Variants in CAST observed in about 807,000 individuals in gnomAD.
CAST encodes the protein calpastatin, also known as MIR583 host.
CAST carries 76 observed loss-of-function variants against 119.6 expected under a neutral mutation model. The ratio of observed to expected loss-of-function variants is 0.64; its 90% CI spans 0.53 to 0.77. CAST has a LOEUF of 0.77. CAST is among the 30% of genes least tolerant of loss of function. CAST has a pLI of 0.00. For synonymous variants in CAST, 319 were observed against 331.6 expected, an observed-to-expected ratio of 0.96 and a Z score of 0.41; for missense variants, 953 against 946.5, an observed-to-expected ratio of 1.01 and a Z score of -0.09.
At chr5:96,743,134 G>T (rs1763034992) in intron 16 of CAST, among the ~76,000 whole-genome samples, 1 of 152,180 alleles carries the variant, frequency 6.6e-6, no homozygotes, top group African/African-American at 2.4e-5. Flanking sequence ...TATACACGGA[G>T]TGGGAAGATC....
chr5:96,183,119 T>C, the CAST span, among the ~76,000 whole-genome samples: 23 of 150,524 alleles, frequency 1.5e-4, no homozygotes, highest in Non-Finnish European at 2.5e-4. Context: ...CCAGCCTGGG[T>C]GACAGAACAA....
chr5:96,299,915 A>G, the CAST span, among the ~76,000 whole-genome samples: 2 of 152,172 alleles, frequency 1.3e-5, no homozygotes, highest in East Asian at 3.8e-4. Flanking sequence ...TTTAACAGTT[A>G]TTTAACAGTT....
the CAST span, among the ~76,000 whole-genome samples, chr5:96,015,837 G>A: frequency 2.5e-4 from 38 of 152,284 alleles, no homozygotes; most frequent in Admixed American, 7.2e-4. Context: ...GCCACGCACA[G>A]CTAGGAAGTG....
chr5:96,478,987 T>G, the CAST span, among the ~76,000 whole-genome samples: 1 of 152,110 alleles, frequency 6.6e-6, no homozygotes, highest in Non-Finnish European at 1.5e-5. Context: ...AGAAATAAAG[T>G]GCTAATTGGG....
At chr5:96,560,928 T>C (rs992921817) in intron 1 of CAST, among the ~76,000 whole-genome samples, 1 of 152,164 alleles carries the variant, frequency 6.6e-6, no homozygotes, top group Non-Finnish European at 1.5e-5. Context: ...CACTATTCAC[T>C]ACAGCAAAGA....
At chr5:95,962,871 A>G in the CAST span, among the ~76,000 whole-genome samples, 1 of 152,206 alleles carries the variant, frequency 6.6e-6, no homozygotes, top group Non-Finnish European at 1.5e-5. Flanking sequence ...TTTAAAGGTA[A>G]GAGGCTGTCG....
At chr5:96,056,193 A>T in the CAST span, among the ~76,000 whole-genome samples, 1 of 152,156 alleles carries the variant, frequency 6.6e-6, no homozygotes, top group Non-Finnish European at 1.5e-5. Flanking sequence ...ATCTCTGATA[A>T]TCCTAGATAT....
At chr5:96,404,709 G>A in the CAST span, among the ~76,000 whole-genome samples, 1 of 152,208 alleles carries the variant, frequency 6.6e-6, no homozygotes, top group African/African-American at 2.4e-5. Context: ...GCTGCAAGGT[G>A]TGGTTGCTGA....
At chr5:96,690,430 A>G (rs890877731) in intron 2 of CAST, among the ~76,000 whole-genome samples, 2 of 151,950 alleles carry the variant, frequency 1.3e-5, no homozygotes, top group Admixed American at 1.3e-4. Flanking sequence ...GGGTTTCACT[A>G]TGTTGGCCAG....
chr5:96,573,529 C>T (rs189563727), intron 1 of CAST, among the ~76,000 whole-genome samples: 44 of 152,144 alleles, frequency 2.9e-4, no homozygotes, highest in Middle Eastern at 3.4e-3. Flanking sequence ...GTCCCAGACA[C>T]TTAGGAGGCT....
At chr5:96,282,797 C>A in the CAST span, among the ~76,000 whole-genome samples, 1 of 152,120 alleles carries the variant, frequency 6.6e-6, no homozygotes, top group Non-Finnish European at 1.5e-5. Flanking sequence ...TGCTTTCCAA[C>A]CTTGGCTGCA....
the CAST span, among the ~76,000 whole-genome samples, chr5:96,271,944 G>A: frequency 6.6e-6 from 1 of 152,122 alleles, no homozygotes; most frequent in Non-Finnish European, 1.5e-5. Flanking sequence ...TTTTAAAATG[G>A]ACAAGAGATC....
the CAST span, among the ~76,000 whole-genome samples, chr5:96,253,824 C>T: frequency 6.6e-6 from 1 of 151,820 alleles, no homozygotes; most frequent in African/African-American, 2.4e-5. Context: ...AAATGTAAAA[C>T]CAAGAGATAT....
At chr5:95,963,804 G>A in the CAST span, among the ~76,000 whole-genome samples, 2 of 150,844 alleles carry the variant, frequency 1.3e-5, no homozygotes, top group South Asian at 2.1e-4. Context: ...GAGGGGGAAG[G>A]GAGGTTTGAC....
chr5:96,495,905 T>A, the CAST span, among the ~76,000 whole-genome samples: 1 of 152,240 alleles, frequency 6.6e-6, no homozygotes, highest in Non-Finnish European at 1.5e-5. Flanking sequence ...GAAGTGAAGT[T>A]TCTTTAGCAG....
At position 96,722,706 on chromosome 5, in the gene CAST, G is replaced by A. The variant is rs370121610; in HGVS notation, c.270+8G>A. 228 of 1,603,102 alleles carry A rather than the reference G, an allele frequency of 1.4e-4. 8 individuals are homozygous for A. In the South Asian group the frequency reaches 2.4e-3, roughly 17 times the overall value. ...AATCCCACAGAAACCAAGGTATGAAGAATGCTAATTGAGTGAGTGCTAATT... is the reference window on the plus strand; with the variant it reads ...AATCCCACAGAAACCAAGGTATGAAAAATGCTAATTGAGTGAGTGCTAATT... On this transcript the variant is annotated splice_region_variant and intron_variant, in intron 4 of 31. Transcript: ENST00000675179.
chr5:96,593,986 T>C (rs1747010020), intron 1 of CAST, among the ~76,000 whole-genome samples: 1 of 152,188 alleles, frequency 6.6e-6, no homozygotes. Flanking sequence ...GCATAAATAA[T>C]TTGCAATGCC....
the CAST span, among the ~76,000 whole-genome samples, chr5:96,388,908 T>C: frequency 1.3e-5 from 2 of 152,070 alleles, no homozygotes; most frequent in East Asian, 3.9e-4. Context: ...CACACACACA[T>C]ATGAAATTCA....
At chr5:96,472,316 T>G in the CAST span, among the ~76,000 whole-genome samples, 888 of 152,254 alleles carry the variant, frequency 5.8e-3, 5 homozygotes, top group Middle Eastern at 0.014. Context: ...AATTCCTCCC[T>G]CCCATGTTTA....
Sources: allele counts gnomAD v4.1 joint callset (sites outside exome capture counted in the v4.1 genomes callset), GRCh38; gene constraint gnomAD v4.1.1; transcripts MANE v1.5; gene names NCBI Gene and HGNC (gene_info 2026-07-23, HGNC 2026-07-21).